CDK11B: variants seen among roughly 807,000 people sequenced by gnomAD.
The protein encoded by CDK11B is cyclin dependent kinase 11B.
A neutral mutation model predicts 84.0 loss-of-function variants in CDK11B; 37 were observed. The observed-to-expected ratio is 0.44, with a 90% confidence interval of 0.34 to 0.58. CDK11B has a LOEUF of 0.58. Ranked by LOEUF, CDK11B falls within the 20% of genes least tolerant of loss-of-function variation. The pLI is 0.02. For synonymous variants in CDK11B, 269 were observed against 309.8 expected, an observed-to-expected ratio of 0.87 and a Z score of 1.38; for missense variants, 427 against 834.0, an observed-to-expected ratio of 0.51 and a Z score of 6.01.
chr1:1,647,140 T>C lies in CDK11B; in HGVS notation c.495-1878A>G, dbSNP rs566917198. ...TGTACCACGGGTTTCTGAGGCTCTG[T>C]GCATTTTTCTTGTTTTTTTCTCTCT... On this transcript the variant is annotated intron_variant, in intron 5 of 19. Coordinates refer to ENST00000341832, the MANE Select transcript of CDK11B (RefSeq NM_033486.3). Among the ~76,000 whole-genome samples the C allele has an allele frequency of 7.9e-5, 12 of 152,362 alleles. No homozygotes were observed. The South Asian group carries it at 1.9e-3, about 24-fold the overall frequency.
rs1187805380 is a variant in CDK11B, at chr1:1,637,751, G to A, written c.1464+11C>T. On this transcript the variant is annotated intron_variant, in intron 13 of 19. Transcript: ENST00000341832. Reference sequence around the variant, plus strand: ...TCCACCCGGGGCCAGGCGTGGTGGGGCCATGCTCACTCTAACGGTGACGAT... The same window carrying A: ...TCCACCCGGGGCCAGGCGTGGTGGGACCATGCTCACTCTAACGGTGACGAT... 5.0e-6 allele frequency: 8 copies of A among 1,613,716 alleles called. No homozygotes were observed. Among genetic ancestry groups the A allele is most frequent in the Non-Finnish European group, 6.8e-6 (8 of 1,179,696 alleles).
chr1:1,648,770 A>G (rs1641505004), intron 5 of CDK11B, among the ~76,000 whole-genome samples: 1 of 151,828 alleles, frequency 6.6e-6, no homozygotes, highest in Non-Finnish European at 1.5e-5. Flanking sequence ...GGTTTTTAGG[A>G]TCTCCCTTCT....
chr1:1,636,378 C>T lies in CDK11B; in HGVS notation c.2021G>A (p.Arg674His), dbSNP rs369695164. The change falls in exon 18 of 20, where the codon CGC (arginine) becomes CAC (histidine). Residue 674 changes from arginine to histidine, a missense_variant. Physicochemically the swap from Arg to His is conservative, Grantham distance 29. Coordinates refer to ENST00000341832, the MANE Select transcript of CDK11B (RefSeq NM_033486.3). ...SEHPYNNLRK[R>H]FGALLSDQGF... ...CTGGTCTGAGAGCAGAGCCCCGAAG[C>T]GCTTGCGGAGGTTGTTGTAGGGGTG... The T allele has an allele frequency of 2.1e-5, 34 of 1,604,540 alleles. No individual in the cohort carries two copies. The Admixed American group carries it at 4.1e-4, about 19-fold the overall frequency.
At chr1:1,639,643 GC>G (rs1639953393) in intron 11 of CDK11B, among the ~76,000 whole-genome samples, 1 of 151,838 alleles carries the variant, frequency 6.6e-6, no homozygotes, top group Non-Finnish European at 1.5e-5. Context: ...GGGCAGAGGC[GC>G]TCACAAGGCA....
rs372517313 is a variant in CDK11B at position 1,637,404 on chromosome 1, G to A, written c.1570+4C>T. 595 of 1,613,278 alleles carry A rather than the reference G, an allele frequency of 3.7e-4. 2 individuals carry two copies. Among genetic ancestry groups the A allele is most frequent in the Non-Finnish European group, 4.6e-4 (548 of 1,179,642 alleles). On this transcript the variant is annotated splice_donor_region_variant and intron_variant, in intron 14 of 19. Transcript: ENST00000341832. ...GCAGACAGGCCCCTGGGGCGCGGCT[G>A]TACCTGGCAGGAAGGGCTGTTTCAT... is the stretch of plus-strand genomic sequence containing the variant.
rs1387108933 is a variant in CDK11B at position 1,649,708 on chromosome 1, C to CTTA, written c.356-74_356-72dup. On this transcript the variant is annotated intron_variant, in intron 4 of 19. Coordinates refer to ENST00000341832, the MANE Select transcript of CDK11B (RefSeq NM_033486.3). ...TTTCACATGAAGCCGGGCACGGAGG[C>CTTA]TTATGCCTGTAATCCTAGCACTTTG... 2.7e-6 allele frequency: 4 copies of CTTA among 1,488,680 alleles called. No homozygotes were observed. The African/African-American group carries it at 5.5e-5, about 21-fold the overall frequency. The allele number at this position is 1,488,680 out of a possible 1,614,324, so 92.2% of individuals were successfully genotyped here.
At position 1,636,673 on chromosome 1, in the gene CDK11B, C is replaced by T. The variant is rs74047814; in HGVS notation, c.1917+9G>A. Reference sequence around the variant, plus strand: ...CCCCACAGCGCACCTGCAGCAGGGCCAGACCCACCTTGAACACCTTGTTGA... The same window carrying T: ...CCCCACAGCGCACCTGCAGCAGGGCTAGACCCACCTTGAACACCTTGTTGA... On this transcript the variant is annotated intron_variant, in intron 17 of 19. Coordinates refer to ENST00000341832, the MANE Select transcript of CDK11B (RefSeq NM_033486.3). 1.9e-3 allele frequency: 3,032 copies of T among 1,613,910 alleles called. 44 individuals carry two copies. In the African/African-American group the frequency reaches 0.036, roughly 19 times the overall value.
intron 5 of CDK11B, 137 bp downstream of exon 5, chr1:1,649,362 A>G: frequency 1.6e-6 from 1 of 634,538 alleles, no homozygotes; most frequent in Non-Finnish European, 2.7e-6. Flanking sequence ...CGGCCTCCCA[A>G]AGTGCTGGGA....
chr1:1,653,662 T>C (rs1642307791), intron 3 of CDK11B, among the ~76,000 whole-genome samples: 1 of 152,028 alleles, frequency 6.6e-6, no homozygotes, highest in Admixed American at 6.6e-5. Context: ...TTTTATGTTA[T>C]TTATTCCCCA....
At chr1:1,652,979 T>C (rs1391952144) in intron 3 of CDK11B, among the ~76,000 whole-genome samples, 5 of 152,162 alleles carry the variant, frequency 3.3e-5, no homozygotes, top group African/African-American at 7.2e-5. Flanking sequence ...CACCTCGGTC[T>C]CCCAAAGTGC....
At position 1,636,906 on chromosome 1, in the gene CDK11B, A is replaced by G; in HGVS notation, c.1791T>C (p.Leu597=). ...GACGCCCAGGACTCACCTTGGCACC[A>G]AGCAGCAGCTCTGGGGCGCGGTACC... ...TLWYRAPELL[L]GAKEYSTAVD... is the part of the protein sequence containing the mutation. The change falls in exon 16 of 20, where the codon CTT becomes CTC. Residue 597 remains leucine, a synonymous_variant. Coordinates refer to ENST00000341832, the MANE Select transcript of CDK11B (RefSeq NM_033486.3). The G allele has an allele frequency of 6.2e-7, 1 of 1,606,528 alleles. No homozygotes were observed.
intron 4 of CDK11B, among the ~76,000 whole-genome samples, chr1:1,651,946 CT>C (rs1642071503): frequency 6.6e-6 from 1 of 151,424 alleles, no homozygotes; most frequent in South Asian, 2.1e-4. Context: ...CACACACATG[CT>C]TTTAGCTAGA....
intron 5 of CDK11B, chr1:1,645,824 G>A: frequency 2.9e-6 from 1 of 346,948 alleles, no homozygotes; most frequent in South Asian, 2.4e-5. Flanking sequence ...TGGCTGTGAA[G>A]TCCTTGCTCC....
chr1:1,637,321 G>T, intron 14 of CDK11B, 87 bp downstream of exon 14: 4 of 1,568,222 alleles, frequency 2.6e-6, no homozygotes, highest in Non-Finnish European at 3.5e-6. Flanking sequence ...GGATGCAGCT[G>T]GCCCTCCCTG....
chr1:1,648,814 G>C (rs1236224621), intron 5 of CDK11B, among the ~76,000 whole-genome samples: 1 of 152,054 alleles, frequency 6.6e-6, no homozygotes, highest in Admixed American at 6.5e-5. Flanking sequence ...CTGTCAACCA[G>C]GCTGGAGTGC....
At chr1:1,650,420 C>T (rs1348423818) in intron 4 of CDK11B, among the ~76,000 whole-genome samples, 104 of 136,420 alleles carry the variant, frequency 7.6e-4, no homozygotes, top group African/African-American at 2.8e-3. Flanking sequence ...GGCTGGAGTG[C>T]AGTGGCGCAA....
At chr1:1,649,409 A>G in intron 5 of CDK11B, 90 bp downstream of exon 5, 1 of 961,264 alleles carries the variant, frequency 1.0e-6, no homozygotes. Context: ...CTCAGATGTG[A>G]CTTCTATTGC....
At chr1:1,640,199 G>C in intron 11 of CDK11B, 78 bp downstream of exon 11, 1 of 1,531,028 alleles carries the variant, frequency 6.5e-7, no homozygotes, top group Non-Finnish European at 8.8e-7. Context: ...CCAACACGGG[G>C]GCCAGGCTTC....
Position 1,650,336 on chromosome 1 carries a change from T to A in CDK11B, c.356-699A>T, listed in dbSNP as rs1336001155. Among the ~76,000 whole-genome samples, 14 of 149,692 alleles carry A rather than the reference T, an allele frequency of 9.4e-5. No individual in the cohort carries two copies. In the East Asian group the frequency reaches 2.7e-3, roughly 29 times the overall value. ...TTAAATAAATATTTAAATAATGATG[T>A]TAACGTTAAGTAATCCTAATTTTTC... is the stretch of plus-strand genomic sequence containing the variant. On this transcript the variant is annotated intron_variant, in intron 4 of 19. Transcript: ENST00000341832.
Sources: gnomAD v4.1 joint callset for allele counts (sites outside exome capture counted in the v4.1 genomes callset) on GRCh38, gnomAD v4.1.1 for gene constraint, MANE v1.5 for transcripts, NCBI Gene and HGNC (gene_info 2026-07-23, HGNC 2026-07-21) for gene names.